MAD1L1: variants seen among roughly 807,000 people sequenced by gnomAD.
MAD1L1 encodes mitotic spindle assembly checkpoint protein MAD1.
In MAD1L1, 95 loss-of-function variants were observed where a neutral mutation model predicts 96.9. That is an observed-to-expected ratio of 0.98 (90% CI 0.83 to 1.16). The LOEUF is 1.16. MAD1L1 is among the 50% of genes most tolerant of loss of function. MAD1L1 has a pLI of 0.00. For missense variants in MAD1L1, 1,007 were observed against 954.4 expected (o/e 1.06, Z -0.73); for synonymous variants, 473 against 396.6 (o/e 1.19, Z -2.29).
intron 18 of MAD1L1, among the ~76,000 whole-genome samples, chr7:1,872,917 C>A (rs150651171): frequency 6.6e-6 from 1 of 152,158 alleles, no homozygotes; most frequent in African/African-American, 2.4e-5. Flanking sequence ...GGGTGGGGGG[C>A]GCGTCAGAAG....
At chr7:2,145,733 C>G (rs574677692) in intron 11 of MAD1L1, among the ~76,000 whole-genome samples, 2 of 152,206 alleles carry the variant, frequency 1.3e-5, no homozygotes, top group Non-Finnish European at 2.9e-5. Context: ...GCCTTCCCTA[C>G]CTTGGAACTC....
chr7:1,955,403 G>A (rs1276339587), intron 16 of MAD1L1, among the ~76,000 whole-genome samples: 2 of 152,182 alleles, frequency 1.3e-5, no homozygotes, highest in African/African-American at 4.8e-5. Context: ...CGATTCTCCT[G>A]CCTCAGCCTC....
intron 16 of MAD1L1, among the ~76,000 whole-genome samples, chr7:1,949,350 C>T (rs1157858143): frequency 1.3e-5 from 2 of 152,200 alleles, no homozygotes; most frequent in African/African-American, 4.8e-5. Context: ...GGGGGACCCG[C>T]GCAGTGAAAC....
intron 15 of MAD1L1, among the ~76,000 whole-genome samples, chr7:1,962,804 G>A (rs936461356): frequency 1.8e-4 from 27 of 152,286 alleles, no homozygotes; most frequent in South Asian, 4.1e-4. Flanking sequence ...AAAACTAGCC[G>A]GGTGTGGTGG....
intron 12 of MAD1L1, among the ~76,000 whole-genome samples, chr7:2,036,733 G>A (rs567419183): frequency 1.1e-4 from 16 of 152,220 alleles, no homozygotes; most frequent in African/African-American, 2.9e-4. Flanking sequence ...CAAGGCCAGG[G>A]CTCCTGATCA....
At chr7:2,082,841 T>TC (rs1236267886) in intron 11 of MAD1L1, among the ~76,000 whole-genome samples, 1 of 152,198 alleles carries the variant, frequency 6.6e-6, no homozygotes, top group Non-Finnish European at 1.5e-5. Context: ...GCACGACCAC[T>TC]CCAGCTGCTT....
chr7:1,854,743 C>G (rs1399070740), intron 18 of MAD1L1, among the ~76,000 whole-genome samples: 1 of 152,216 alleles, frequency 6.6e-6, no homozygotes, highest in African/African-American at 2.4e-5. Context: ...GCAGCCCCAA[C>G]AGTCTCACCA....
intron 17 of MAD1L1, among the ~76,000 whole-genome samples, chr7:1,935,711 G>A (rs1351736409): frequency 6.6e-6 from 1 of 152,250 alleles, no homozygotes; most frequent in East Asian, 1.9e-4. Flanking sequence ...AGGGCGCGAT[G>A]GCAAGTAGGT....
At chr7:2,004,373 G>A (rs897647249) in intron 13 of MAD1L1, among the ~76,000 whole-genome samples, 27 of 152,246 alleles carry the variant, frequency 1.8e-4, no homozygotes, top group African/African-American at 5.1e-4. Flanking sequence ...GCACACAGGC[G>A]GCTGGCACGA....
In MAD1L1 at chr7:1,894,214, G is replaced by A. The variant is rs183176162; in HGVS notation, c.1998+3986C>T. Among the ~76,000 whole-genome samples, 238 of 152,318 alleles carry A rather than the reference G, an allele frequency of 1.6e-3. 1 individual carries two copies. The highest frequency in any genetic ancestry group is 5.4e-3 in the African/African-American group (224 of 41,572). On this transcript the variant is annotated intron_variant, in intron 18 of 18. Transcript: ENST00000265854. ...TGCCAGAAGACTTGGCAGCTCTAGC[G>A]CTGTCTTCTTGGAACCCAAGGGGGA...
chr7:1,819,889 G>T (rs1281291459), intron 18 of MAD1L1, among the ~76,000 whole-genome samples: 8 of 152,094 alleles, frequency 5.3e-5, no homozygotes, highest in Non-Finnish European at 8.8e-5. Context: ...GGGTCCAAGA[G>T]AAACTCCATG....
At chr7:2,046,485 C>A (rs1393725434) in intron 12 of MAD1L1, among the ~76,000 whole-genome samples, 1 of 151,018 alleles carries the variant, frequency 6.6e-6, no homozygotes, top group Non-Finnish European at 1.5e-5. Context: ...CAGAAGCTCA[C>A]TTAAAACTTC....
At chr7:2,028,241 C>T (rs750658336) in intron 12 of MAD1L1, among the ~76,000 whole-genome samples, 4 of 151,782 alleles carry the variant, frequency 2.6e-5, no homozygotes, top group African/African-American at 7.3e-5. Flanking sequence ...CTGGCTAACA[C>T]GGCGAAACCC....
chr7:2,148,614 C>T (rs3800924), intron 11 of MAD1L1: 38,078 of 152,472 alleles, frequency 0.25, 5,901 homozygotes, highest in East Asian at 0.51. Flanking sequence ...CAGCCACGAG[C>T]GAAACCAGAG....
intron 18 of MAD1L1, among the ~76,000 whole-genome samples, chr7:1,819,388 ACACT>A (rs1462607855): frequency 6.6e-6 from 1 of 152,034 alleles, no homozygotes; most frequent in Admixed American, 6.5e-5. Context: ...GGAGACTGAG[ACACT>A]CACTCTTAAT....
chr7:2,212,806 G>C (rs1445980471), intron 10 of MAD1L1, among the ~76,000 whole-genome samples: 1 of 152,148 alleles, frequency 6.6e-6, no homozygotes, highest in Non-Finnish European at 1.5e-5. Context: ...GCCTAATACA[G>C]TGGGTTTTTC....
At chr7:2,116,067 C>G (rs1484624253) in intron 11 of MAD1L1, among the ~76,000 whole-genome samples, 1 of 152,236 alleles carries the variant, frequency 6.6e-6, no homozygotes, top group Non-Finnish European at 1.5e-5. Flanking sequence ...CCTCTGTTTC[C>G]TCAACACTAA....
At chr7:2,046,770 C>T (rs1486432584) in intron 12 of MAD1L1, among the ~76,000 whole-genome samples, 5 of 152,220 alleles carry the variant, frequency 3.3e-5, no homozygotes, top group Non-Finnish European at 5.9e-5. Flanking sequence ...TCCAGACCAT[C>T]TGTCCCCACT....
chr7:1,830,296 C>T (rs1213962130), intron 18 of MAD1L1, among the ~76,000 whole-genome samples: 1 of 152,244 alleles, frequency 6.6e-6, no homozygotes, highest in East Asian at 1.9e-4. Context: ...ACTCGGGAGG[C>T]TGAGGCAGGA....
Sources: gnomAD v4.1 joint callset for allele counts (sites outside exome capture counted in the v4.1 genomes callset) on GRCh38, gnomAD v4.1.1 for gene constraint, MANE v1.5 for transcripts, NCBI Gene and HGNC (gene_info 2026-07-23, HGNC 2026-07-21) for gene names.